The following TRIM5 variants were observed in gnomAD, a reference collection of about 807,000 sequenced individuals.
The protein encoded by TRIM5 is tripartite motif containing 5.
TRIM5 carries 31 observed loss-of-function variants against 35.6 expected under a neutral mutation model. The ratio of observed to expected loss-of-function variants is 0.87; its 90% CI spans 0.65 to 1.18. TRIM5 has a LOEUF of 1.18. Among genes scored for constraint, TRIM5 ranks in the 50% most tolerant of loss-of-function variants. The pLI, the probability that TRIM5 is intolerant of heterozygous loss-of-function variation, is 0.00. For synonymous variants in TRIM5, 243 were observed against 215.6 expected (o/e 1.13, Z -1.11); for missense variants, 609 against 591.6 (o/e 1.03, Z -0.31).
chr11:5,613,070 C>CTAAG, the TRIM5 span: 1 of 152,182 alleles, frequency 6.6e-6, no homozygotes, highest in Admixed American at 6.5e-5. Flanking sequence ...ATTTCTGTCC[C>CTAAG]TAAGTGAGCC....
At chr11:5,643,625 A>G in the TRIM5 span, 2 of 1,614,070 alleles carry the variant, frequency 1.2e-6, no homozygotes, top group Non-Finnish European at 1.7e-6. Context: ...AGTTCTCTAA[A>G]TGTTGCTTTT....
At chr11:5,631,034 T>C in the TRIM5 span, among the ~76,000 whole-genome samples, 1 of 152,210 alleles carries the variant, frequency 6.6e-6, no homozygotes, top group African/African-American at 2.4e-5. Context: ...TATTGGGACA[T>C]CTCTCTCATG....
the TRIM5 span, among the ~76,000 whole-genome samples, chr11:5,622,714 G>C: frequency 5.9e-5 from 9 of 152,176 alleles, no homozygotes; most frequent in Non-Finnish European, 8.8e-5. Context: ...GAACTGATGG[G>C]CTAAGGTAAT....
the TRIM5 span, chr11:5,634,003 G>A: frequency 0.61 from 762,653 of 1,257,686 alleles, 236,674 homozygotes; most frequent in Non-Finnish European, 0.65. Context: ...GAGTCCTGAA[G>A]CCATTTGATT....
chr11:5,614,794 T>A, the TRIM5 span, among the ~76,000 whole-genome samples: 22 of 152,304 alleles, frequency 1.4e-4, no homozygotes, highest in South Asian at 4.6e-3. Context: ...AGGACTGTCT[T>A]AACATTATTA....
chr11:5,677,969 C>A, intron 4 of TRIM5: 1 of 397,126 alleles, frequency 2.5e-6, no homozygotes, highest in Non-Finnish European at 4.5e-6. Context: ...ATGACTAGAG[C>A]TAATTGATCA....
At chr11:5,623,364 T>A in the TRIM5 span, among the ~76,000 whole-genome samples, 1 of 151,914 alleles carries the variant, frequency 6.6e-6, no homozygotes, top group Non-Finnish European at 1.5e-5. Flanking sequence ...TTATTTTGTT[T>A]ATTTTTATTT....
At chr11:5,636,818 T>C in the TRIM5 span, among the ~76,000 whole-genome samples, 3 of 152,232 alleles carry the variant, frequency 2.0e-5, no homozygotes, top group Admixed American at 6.5e-5. Context: ...TTTATCTGAG[T>C]AGGGACTTTG....
chr11:5,610,580 C>T, the TRIM5 span: 6 of 1,609,870 alleles, frequency 3.7e-6, no homozygotes, highest in Non-Finnish European at 5.1e-6. Context: ...AAGCCATGGC[C>T]TCTTTGGGCT....
At chr11:5,615,605 T>C in the TRIM5 span, among the ~76,000 whole-genome samples, 1 of 151,306 alleles carries the variant, frequency 6.6e-6, no homozygotes, top group African/African-American at 2.4e-5. Context: ...TTGTTGTTTG[T>C]TTGTTTGAGA....
At chr11:5,615,268 A>G in the TRIM5 span, among the ~76,000 whole-genome samples, 1 of 152,186 alleles carries the variant, frequency 6.6e-6, no homozygotes, top group East Asian at 1.9e-4. Context: ...ACAGTGTTCA[A>G]TTAACATCAT....
chr11:5,677,206 T>G (rs562023792), intron 4 of TRIM5, among the ~76,000 whole-genome samples: 2 of 152,206 alleles, frequency 1.3e-5, no homozygotes, highest in Non-Finnish European at 2.9e-5. Flanking sequence ...CCCACTCATC[T>G]GACAAAGGGC....
At chr11:5,645,411 C>T in the TRIM5 span, among the ~76,000 whole-genome samples, 2 of 139,688 alleles carry the variant, frequency 1.4e-5, no homozygotes, top group African/African-American at 2.6e-5. Flanking sequence ...AAAAAAAAAA[C>T]TGTGAAAAAA....
the TRIM5 span, among the ~76,000 whole-genome samples, chr11:5,633,359 T>C: frequency 6.6e-6 from 1 of 152,060 alleles, no homozygotes; most frequent in Non-Finnish European, 1.5e-5. Flanking sequence ...TTCATTTACA[T>C]AACAGATGAT....
At chr11:5,645,109 G>A in the TRIM5 span, among the ~76,000 whole-genome samples, 8 of 152,150 alleles carry the variant, frequency 5.3e-5, no homozygotes, top group African/African-American at 9.7e-5. Flanking sequence ...GGCTCATGCC[G>A]GTAATCCCAG....
At chr11:5,618,258 T>A in the TRIM5 span, among the ~76,000 whole-genome samples, 1 of 152,084 alleles carries the variant, frequency 6.6e-6, no homozygotes, top group African/African-American at 2.4e-5. Context: ...TAATTCCAGC[T>A]ACTTGGGAGG....
the TRIM5 span, among the ~76,000 whole-genome samples, chr11:5,625,603 T>G: frequency 1.3e-5 from 2 of 152,108 alleles, no homozygotes; most frequent in African/African-American, 2.4e-5. Context: ...CTAAGGGGCT[T>G]TCTGTGGCCA....
chr11:5,675,455 G>A (rs1053144995), intron 4 of TRIM5, among the ~76,000 whole-genome samples: 1 of 152,072 alleles, frequency 6.6e-6, no homozygotes, highest in Non-Finnish European at 1.5e-5. Context: ...TGAGGGAGCA[G>A]GGAGGTAAGA....
Position 5,680,069 on chromosome 11 carries a change from C to G in TRIM5, c.109G>C (p.Ala37Pro). The G allele has an allele frequency of 6.2e-7, 1 of 1,614,160 alleles. No individual in the cohort carries two copies. Among genetic ancestry groups the G allele is most frequent in the Non-Finnish European group, 8.5e-7 (1 of 1,180,044 alleles). Residue 37 changes from alanine to proline, a missense_variant, in exon 2 of 8, where the codon GCA becomes CCA. By Grantham distance (27) the Ala-to-Pro change is conservative. Transcript: ENST00000380034. ...TTCTTGTGGTTTGCAGTGAGGCATG[C>G]TTGGCAGAAGCTGTGGCCGCAGTCC... is the stretch of plus-strand genomic sequence containing the variant. The part of the protein sequence containing the change: ...SLDCGHSFCQ[A>P]CLTANHKKSM...
Sources: gnomAD v4.1 joint callset for allele counts (sites outside exome capture counted in the v4.1 genomes callset) on GRCh38, gnomAD v4.1.1 for gene constraint, MANE v1.5 for transcripts, NCBI Gene and HGNC (gene_info 2026-07-23, HGNC 2026-07-21) for gene names.